SLC12A1: variants seen among roughly 807,000 people sequenced by gnomAD.
The protein encoded by SLC12A1 is solute carrier family 12 member 1.
SLC12A1 carries 89 observed loss-of-function variants against 130.4 expected under a neutral mutation model. That is an observed-to-expected ratio of 0.68 (90% confidence interval 0.58 to 0.81). The LOEUF is 0.81. Among genes scored for constraint, SLC12A1 ranks in the 40% least tolerant of loss-of-function variants. The pLI is 0.00. For missense variants in SLC12A1, 1,310 were observed against 1,336.4 expected (o/e 0.98, Z 0.31); for synonymous variants, 499 against 460.0 (o/e 1.08, Z -1.09).
In SLC12A1 at chr15:48,267,546, C is replaced by A; in HGVS notation, c.2155-15C>A. ...AATAGCAGGGTTCTAACCAATATTT[C>A]ATTGTGTCACACAGGGACCGCGCAA... is the stretch of plus-strand genomic sequence containing the variant. On this transcript the variant is annotated splice_polypyrimidine_tract_variant and intron_variant, in intron 17 of 26. Transcript: ENST00000380993. 6.2e-7 allele frequency: 1 copy of A among 1,612,792 alleles called. No homozygotes were observed. Among genetic ancestry groups the A allele is most frequent in the East Asian group, 2.2e-5 (1 of 44,854 alleles).
chr15:48,257,885 C>T (rs2041725673), intron 16 of SLC12A1, among the ~76,000 whole-genome samples: 1 of 152,198 alleles, frequency 6.6e-6, no homozygotes, highest in South Asian at 2.1e-4. Flanking sequence ...TAAATTTCTC[C>T]CCAGAACATG....
chr15:48,295,079 T>TC (rs2042163495), intron 24 of SLC12A1, among the ~76,000 whole-genome samples: 1 of 150,700 alleles, frequency 6.6e-6, no homozygotes, highest in African/African-American at 2.4e-5. Flanking sequence ...ACCCAGCTTT[T>TC]TTTTTTTTTT....
intron 2 of SLC12A1, among the ~76,000 whole-genome samples, chr15:48,219,359 C>A (rs1163428561): frequency 2.6e-5 from 4 of 151,996 alleles, no homozygotes; most frequent in African/African-American, 9.7e-5. Context: ...AGATCAGGAC[C>A]ATCCTGGCCA....
chr15:48,303,675 C>T lies in SLC12A1; in HGVS notation c.*790C>T, dbSNP rs1235225987. On this transcript the variant is annotated 3_prime_UTR_variant, in exon 27 of 27. Coordinates refer to ENST00000380993, the MANE Select transcript of SLC12A1 (RefSeq NM_000338.3). ...CTCCCTATCAAATATTTTGAAATTT[C>T]CATCACGGCATTACTTTGCATATTT... 6.6e-6 allele frequency: 1 copy of T among 152,094 alleles called. No homozygotes were observed. Among genetic ancestry groups the T allele is most frequent in the African/African-American group, 2.4e-5 (1 of 41,418 alleles). 9.4% of individuals were successfully genotyped at this position (152,094 alleles called of 1,614,324 possible). A position where few individuals can be genotyped will look rare whatever the true frequency, so the allele number is the denominator to read the frequency against.
At chr15:48,283,226 T>C (rs74011994) in intron 20 of SLC12A1, among the ~76,000 whole-genome samples, 18,907 of 152,274 alleles carry the variant, frequency 0.12, 1,297 homozygotes, top group Admixed American at 0.17. Flanking sequence ...AAACTTTGTT[T>C]ATTCTTTTTG....
chr15:48,232,062 G>A (rs941823430), intron 7 of SLC12A1, among the ~76,000 whole-genome samples: 2 of 152,078 alleles, frequency 1.3e-5, no homozygotes, highest in African/African-American at 2.4e-5. Context: ...TTCAAGAAAG[G>A]CCCTCTGAGG....
chr15:48,216,243 C>T (rs1184858077), intron 2 of SLC12A1, among the ~76,000 whole-genome samples: 1 of 152,106 alleles, frequency 6.6e-6, no homozygotes, highest in Non-Finnish European at 1.5e-5. Flanking sequence ...ATAGAATATT[C>T]TTTTTGCATC....
At chr15:48,273,785 G>T (rs1198554314) in intron 19 of SLC12A1, among the ~76,000 whole-genome samples, 1 of 152,102 alleles carries the variant, frequency 6.6e-6, no homozygotes, top group Non-Finnish European at 1.5e-5. Context: ...AATTGTTTCT[G>T]GGGTAGGATG....
intron 10 of SLC12A1, among the ~76,000 whole-genome samples, chr15:48,243,512 C>T (rs964511851): frequency 5.3e-5 from 8 of 152,068 alleles, no homozygotes; most frequent in Admixed American, 2.0e-4. Context: ...AAAAATTATC[C>T]GGGCATGGTG....
chr15:48,301,118 CTG>C (rs1369389086), intron 25 of SLC12A1, among the ~76,000 whole-genome samples, 195 bp from the exon 26 acceptor site: 1 of 152,194 alleles, frequency 6.6e-6, no homozygotes, highest in African/African-American at 2.4e-5. Flanking sequence ...AATCTTTGTA[CTG>C]TGTCTTATTC....
Position 48,247,409 on chromosome 15 carries a change from C to G in SLC12A1, c.1633C>G (p.Leu545Val). ...AKGYGKNNEP[L>V]RGYILTFLIA... ...GGGATATGGGAAAAACAATGAACCC[C>G]TGAGAGGATATATTCTCACTTTTCT... Residue 545 changes from leucine to valine, a missense_variant, in exon 13 of 27, where the codon CTG (leucine) becomes GTG (valine). Coordinates refer to ENST00000380993, the MANE Select transcript of SLC12A1 (RefSeq NM_000338.3). 1.2e-6 allele frequency: 2 copies of G among 1,610,828 alleles called. No individual in the cohort carries two copies. Among genetic ancestry groups the G allele is most frequent in the Non-Finnish European group, 8.5e-7 (1 of 1,177,168 alleles).
At chr15:48,259,443 T>C (rs573671282) in intron 17 of SLC12A1, 132 bp downstream of exon 17, 4 of 697,376 alleles carry the variant, frequency 5.7e-6, no homozygotes, top group Non-Finnish European at 1.0e-5. Context: ...GCCCTCTACC[T>C]TGATTCATAG....
rs563952171 is a variant in SLC12A1 at position 48,292,324 on chromosome 15, T to C, written c.2960+460T>C. Among the ~76,000 whole-genome samples, 6 of 152,230 alleles carry C rather than the reference T, an allele frequency of 3.9e-5. No individual in the cohort carries two copies. The East Asian group carries it at 1.2e-3, about 29-fold the overall frequency. On this transcript the variant is annotated intron_variant, in intron 24 of 26. Coordinates refer to ENST00000380993, the MANE Select transcript of SLC12A1 (RefSeq NM_000338.3). The stretch of plus-strand genomic sequence containing the variant: ...AACTCTAAAGGGCCACTTTAGCTTT[T>C]AGGCACTAAAGGCCCAACAGGGAAG...
At chr15:48,255,625 G>A (rs575311788) in intron 15 of SLC12A1, among the ~76,000 whole-genome samples, 186 bp from the exon 16 acceptor site, 3 of 152,266 alleles carry the variant, frequency 2.0e-5, no homozygotes, top group South Asian at 4.1e-4. Flanking sequence ...GAAGATTCAC[G>A]TAGTATTCAT....
chr15:48,215,634 G>A (rs1048321066), intron 2 of SLC12A1, among the ~76,000 whole-genome samples: 3 of 152,164 alleles, frequency 2.0e-5, no homozygotes, highest in African/African-American at 7.2e-5. Flanking sequence ...TAGCCATCAA[G>A]TCCCCACAAA....
intron 2 of SLC12A1, among the ~76,000 whole-genome samples, chr15:48,220,062 T>C (rs1435754215): frequency 1.4e-5 from 2 of 139,026 alleles, no homozygotes; most frequent in Non-Finnish European, 3.0e-5. Context: ...TGAGCCAAGA[T>C]TGTGCCACTG....
intron 23 of SLC12A1, among the ~76,000 whole-genome samples, chr15:48,288,774 T>G (rs1201855634): frequency 1.3e-5 from 2 of 152,186 alleles, no homozygotes; most frequent in Non-Finnish European, 2.9e-5. Context: ...TCATCTCAAG[T>G]CTTGAGTGGG....
At chr15:48,223,808 T>C (rs1224180566) in intron 4 of SLC12A1, 1 of 152,218 alleles carries the variant, frequency 6.6e-6, no homozygotes, top group East Asian at 1.9e-4. Flanking sequence ...ATATGAAGAA[T>C]TTGGTCCAAC....
intron 24 of SLC12A1, among the ~76,000 whole-genome samples, chr15:48,292,076 G>T (rs557901256): frequency 6.6e-6 from 1 of 152,316 alleles, no homozygotes; most frequent in Admixed American, 6.5e-5. Context: ...AGCCTGAGAG[G>T]GAGAATTGTT....
Sources: allele counts gnomAD v4.1 joint callset (sites outside exome capture counted in the v4.1 genomes callset), GRCh38; gene constraint gnomAD v4.1.1; transcripts MANE v1.5; gene names NCBI Gene and HGNC (gene_info 2026-07-23, HGNC 2026-07-21).